Variants in NEK11 observed in about 807,000 individuals in gnomAD.
NEK11 encodes the protein serine/threonine-protein kinase Nek11.
A neutral mutation model predicts 80.7 loss-of-function variants in NEK11; 72 were observed. That is an observed-to-expected ratio of 0.89 (90% CI 0.74 to 1.08). The LOEUF (loss-of-function observed/expected upper bound fraction) is 1.08, where lower values mean the gene tolerates loss of function less well. Among genes scored for constraint, NEK11 ranks in the 50% least tolerant of loss-of-function variants. The pLI is 0.00. For synonymous variants in NEK11, 251 were observed against 260.7 expected (o/e 0.96, Z 0.36); for missense variants, 764 against 763.6 (o/e 1.00, Z -0.01).
chr3:131,090,013 GT>G (rs199782667), intron 4 of NEK11, among the ~76,000 whole-genome samples: 152 of 152,112 alleles, frequency 1.0e-3, no homozygotes, highest in Non-Finnish European at 1.8e-3. Flanking sequence ...CATTGCAGGG[GT>G]TTTTTTGTTT....
intron 5 of NEK11, among the ~76,000 whole-genome samples, chr3:131,127,828 G>T (rs1238725756): frequency 1.3e-5 from 2 of 151,018 alleles, no homozygotes; most frequent in East Asian, 1.9e-4. Context: ...TTAACTGTAG[G>T]CTGTAGGCTT....
chr3:131,116,083 C>T (rs538983545), intron 5 of NEK11, among the ~76,000 whole-genome samples: 168 of 151,738 alleles, frequency 1.1e-3, no homozygotes, highest in African/African-American at 3.7e-3. Flanking sequence ...CCCATTAACT[C>T]GTCATTTACA....
intron 3 of NEK11, among the ~76,000 whole-genome samples, chr3:131,055,708 C>T (rs773196999): frequency 6.6e-6 from 1 of 152,142 alleles, no homozygotes; most frequent in Non-Finnish European, 1.5e-5. Context: ...CCAACCCAAG[C>T]AGCAGAGTGA....
At chr3:131,333,369 G>A (rs1156904578) in intron 17 of NEK11, among the ~76,000 whole-genome samples, 1 of 152,134 alleles carries the variant, frequency 6.6e-6, no homozygotes, top group Admixed American at 6.5e-5. Context: ...GCCAAACCAA[G>A]CTTCATAAGT....
chr3:131,299,824 C>T (rs1282986160), intron 17 of NEK11, among the ~76,000 whole-genome samples: 1 of 152,154 alleles, frequency 6.6e-6, no homozygotes, highest in East Asian at 1.9e-4. Flanking sequence ...GTGAATAGTG[C>T]TGCAATGAAC....
intron 3 of NEK11, among the ~76,000 whole-genome samples, chr3:131,076,586 A>T (rs2074394449): frequency 6.6e-6 from 1 of 152,216 alleles, no homozygotes; most frequent in Non-Finnish European, 1.5e-5. Context: ...AAAAACACAA[A>T]AGCAAAATCC....
intron 15 of NEK11, among the ~76,000 whole-genome samples, chr3:131,231,882 G>C (rs1400185541): frequency 6.6e-6 from 1 of 152,010 alleles, no homozygotes; most frequent in East Asian, 1.9e-4. Flanking sequence ...TGTGTAATCA[G>C]ATCAAAGTTG....
At chr3:131,259,040 G>A (rs144845431) in intron 16 of NEK11, among the ~76,000 whole-genome samples, 3 of 152,200 alleles carry the variant, frequency 2.0e-5, no homozygotes, top group Non-Finnish European at 4.4e-5. Flanking sequence ...ATAGAAGATA[G>A]GATTCTTTTT....
At chr3:131,326,344 C>A (rs1489793509) in intron 17 of NEK11, 1 of 152,348 alleles carries the variant, frequency 6.6e-6, no homozygotes, top group Non-Finnish European at 1.5e-5. Context: ...AAAGTCAAGC[C>A]CCCTTACCTG....
chr3:131,256,004 A>G (rs1262565287), intron 16 of NEK11, among the ~76,000 whole-genome samples: 2 of 152,166 alleles, frequency 1.3e-5, no homozygotes, highest in Non-Finnish European at 2.9e-5. Flanking sequence ...CCAATTCATA[A>G]ATCATTCTTT....
At chr3:131,158,323 A>C (rs895681764) in intron 10 of NEK11, among the ~76,000 whole-genome samples, 9 of 152,022 alleles carry the variant, frequency 5.9e-5, no homozygotes, top group Admixed American at 5.9e-4. Flanking sequence ...ATCTATATAC[A>C]TGGGCAGATT....
At chr3:131,209,560 G>T (rs950608396) in intron 14 of NEK11, among the ~76,000 whole-genome samples, 24 of 152,108 alleles carry the variant, frequency 1.6e-4, no homozygotes, top group Non-Finnish European at 3.5e-4. Context: ...AGAAGGAATG[G>T]TACCAGCTCC....
intron 3 of NEK11, among the ~76,000 whole-genome samples, chr3:131,062,717 T>C (rs1211308716): frequency 6.6e-6 from 1 of 152,224 alleles, no homozygotes; most frequent in Non-Finnish European, 1.5e-5. Context: ...CATTGTGTTT[T>C]AGAGATTTAG....
At chr3:131,214,212 G>T (rs2094733771) in intron 14 of NEK11, among the ~76,000 whole-genome samples, 1 of 152,188 alleles carries the variant, frequency 6.6e-6, no homozygotes, top group Non-Finnish European at 1.5e-5. Flanking sequence ...ATTACTCCTT[G>T]TCGTAAATTT....
intron 3 of NEK11, among the ~76,000 whole-genome samples, chr3:131,059,056 A>G (rs1274375019): frequency 6.6e-6 from 1 of 152,242 alleles, no homozygotes; most frequent in Non-Finnish European, 1.5e-5. Flanking sequence ...TTGTTAATAC[A>G]AGGTGTAACT....
intron 16 of NEK11, among the ~76,000 whole-genome samples, chr3:131,261,031 A>G (rs971249532): frequency 2.0e-4 from 31 of 152,186 alleles, no homozygotes; most frequent in African/African-American, 7.2e-4. Context: ...GATCAAGGTC[A>G]TTTGTCCAGC....
chr3:131,067,433 A>G (rs2220775), intron 3 of NEK11, among the ~76,000 whole-genome samples: 24,609 of 152,228 alleles, frequency 0.16, 2,026 homozygotes, highest in Non-Finnish European at 0.17. Context: ...CTTGGGAAAC[A>G]TCTTCACTGT....
chr3:131,335,934 G>A (rs902939557), intron 17 of NEK11, among the ~76,000 whole-genome samples: 1 of 152,064 alleles, frequency 6.6e-6, no homozygotes, highest in Admixed American at 6.6e-5. Context: ...CCTCTTCAAG[G>A]AGAACTACAA....
chr3:131,078,385 A>G (rs934330465), intron 3 of NEK11, among the ~76,000 whole-genome samples: 1 of 152,176 alleles, frequency 6.6e-6, no homozygotes, highest in African/African-American at 2.4e-5. Context: ...GGCACTTTCT[A>G]CATTTTCCTA....
Sources: allele counts gnomAD v4.1 joint callset (sites outside exome capture counted in the v4.1 genomes callset), GRCh38; gene constraint gnomAD v4.1.1; transcripts MANE v1.5; gene names NCBI Gene and HGNC (gene_info 2026-07-23, HGNC 2026-07-21).